ZNF69: variants seen among roughly 807,000 people sequenced by gnomAD.
ZNF69 encodes the protein zinc finger protein 69.
A neutral mutation model predicts 50.9 loss-of-function variants in ZNF69; 47 were observed. That is an observed-to-expected ratio of 0.92 (90% CI 0.73 to 1.18). ZNF69 has a LOEUF of 1.18. Ranked by LOEUF, ZNF69 falls within the 50% of genes most tolerant of loss-of-function variation. The pLI is 0.00. For synonymous variants in ZNF69, 216 were observed against 223.1 expected (o/e 0.97, Z 0.29); for missense variants, 717 against 675.1 (o/e 1.06, Z -0.69).
chr19:11,978,611 A>G, the ZNF69 span: 6 of 1,614,162 alleles, frequency 3.7e-6, no homozygotes, highest in Non-Finnish European at 3.4e-6. Flanking sequence ...AACCGTATGA[A>G]TGTAAACAAT....
At chr19:11,909,392 T>C (rs894884529), downstream of ZNF69, among the ~76,000 whole-genome samples, 12 of 152,194 alleles carry the variant, frequency 7.9e-5, no homozygotes, top group Admixed American at 3.3e-4. Context: ...CCAATATACC[T>C]GATGAACATC....
At chr19:11,936,138 T>C in the ZNF69 span, among the ~76,000 whole-genome samples, 1 of 152,190 alleles carries the variant, frequency 6.6e-6, no homozygotes, top group African/African-American at 2.4e-5. Context: ...TCCAAGTCTT[T>C]GCTATTGTGA....
the ZNF69 span, among the ~76,000 whole-genome samples, chr19:11,973,956 G>T: frequency 2.0e-5 from 3 of 152,104 alleles, no homozygotes; most frequent in Non-Finnish European, 4.4e-5. Flanking sequence ...CCATAGTGAA[G>T]GAGAGTTCAC....
chr19:11,966,624 T>G, the ZNF69 span, among the ~76,000 whole-genome samples: 1 of 152,150 alleles, frequency 6.6e-6, no homozygotes, highest in African/African-American at 2.4e-5. Flanking sequence ...TCCACCTGCC[T>G]CGGCCTCCCA....
the ZNF69 span, among the ~76,000 whole-genome samples, chr19:11,938,839 C>G: frequency 1.2e-4 from 18 of 152,262 alleles, no homozygotes; most frequent in African/African-American, 3.9e-4. Flanking sequence ...TACAGTCCCA[C>G]CAACAGTGTA....
chr19:11,959,635 C>T, the ZNF69 span, among the ~76,000 whole-genome samples: 2 of 152,168 alleles, frequency 1.3e-5, no homozygotes, highest in Admixed American at 6.5e-5. Context: ...AATTGATTCT[C>T]TTATTTCGCT....
At chr19:11,935,694 T>C in the ZNF69 span, among the ~76,000 whole-genome samples, 5 of 152,154 alleles carry the variant, frequency 3.3e-5, no homozygotes, top group African/African-American at 1.2e-4. Flanking sequence ...AAACAGACAG[T>C]TTTACTTTGT....
chr19:11,924,070 T>C, the ZNF69 span, among the ~76,000 whole-genome samples: 1 of 152,202 alleles, frequency 6.6e-6, no homozygotes, highest in South Asian at 2.1e-4. Context: ...CCTCTGGAGC[T>C]GTCTTCTGGG....
chr19:11,972,084 A>G, the ZNF69 span, among the ~76,000 whole-genome samples: 1 of 151,990 alleles, frequency 6.6e-6, no homozygotes, highest in Non-Finnish European at 1.5e-5. Context: ...AAAGAAAAGA[A>G]AAGAAATTAG....
At chr19:11,918,109 G>A (rs1354071043), downstream of ZNF69, among the ~76,000 whole-genome samples, 1 of 151,942 alleles carries the variant, frequency 6.6e-6, no homozygotes, top group Non-Finnish European at 1.5e-5. Flanking sequence ...TATTGACAAT[G>A]CTTTTCTTGT....
At position 11,905,704 on chromosome 19, in the gene ZNF69, G is replaced by A. The variant is rs747491968; in HGVS notation, c.1307G>A (p.Arg436Lys). 1 of 1,613,926 alleles carries A rather than the reference G, an allele frequency of 6.2e-7. No individual in the cohort carries two copies. Among genetic ancestry groups the A allele is most frequent in the South Asian group, 1.1e-5 (1 of 91,072 alleles). The change falls in exon 4 of 4, where the codon AGG becomes AAG. Residue 436 changes from arginine to lysine, a missense_variant. Physicochemically the swap from Arg to Lys is conservative, Grantham distance 26 (BLOSUM62 2). Coordinates refer to ENST00000429654, the MANE Select transcript of ZNF69 (RefSeq NM_001364730.1). The stretch of plus-strand genomic sequence containing the variant: ...TCCTCACACCTTCAATTGCATGGTA[G>A]GACTCACACTGGAGAGAAGCCCTAT... ...RSSSHLQLHG[R>K]THTGEKPYEC...
At chr19:11,974,717 C>T in the ZNF69 span, among the ~76,000 whole-genome samples, 1 of 152,192 alleles carries the variant, frequency 6.6e-6, no homozygotes, top group East Asian at 1.9e-4. Flanking sequence ...ATTCTCCCAC[C>T]TCAGCCTCCC....
the ZNF69 span, among the ~76,000 whole-genome samples, chr19:11,928,601 G>A: frequency 1.3e-5 from 2 of 148,502 alleles, no homozygotes; most frequent in African/African-American, 5.1e-5. Flanking sequence ...GCGTAGTGGC[G>A]GGCGCCTGTA....
In ZNF69 at chr19:11,889,579, C is replaced by G. The variant is rs139367696; in HGVS notation, c.63+1593C>G. Among the ~76,000 whole-genome samples, 1,091 of 152,312 alleles carry G rather than the reference C, an allele frequency of 7.2e-3. 17 individuals are homozygous for G. The highest frequency in any genetic ancestry group is 0.025 in the African/African-American group (1,035 of 41,562). On this transcript the variant is annotated intron_variant, in intron 1 of 3. Transcript: ENST00000429654. ...CTTCCGGATTCAAGCAATTCTCTAG[C>G]CTCAGCCTCCTGAGTAGCTGGGATT... is the stretch of plus-strand genomic sequence containing the variant.
chr19:11,893,659 CG>C (rs1038041647), intron 1 of ZNF69, among the ~76,000 whole-genome samples: 4 of 152,054 alleles, frequency 2.6e-5, no homozygotes, highest in African/African-American at 7.2e-5. Context: ...TAGAACTGCC[CG>C]GGGCTGACTC....
At chr19:11,934,921 C>T in the ZNF69 span, among the ~76,000 whole-genome samples, 1 of 147,476 alleles carries the variant, frequency 6.8e-6, no homozygotes, top group Admixed American at 6.6e-5. Context: ...TGGCTCACGC[C>T]TGTAATCCCA....
At chr19:11,917,385 G>A (rs1972531477), downstream of ZNF69, among the ~76,000 whole-genome samples, 1 of 152,164 alleles carries the variant, frequency 6.6e-6, no homozygotes, top group Non-Finnish European at 1.5e-5. Context: ...GGGTGTGTGT[G>A]GAATTCCCAG....
chr19:11,955,246 G>T, the ZNF69 span, among the ~76,000 whole-genome samples: 5 of 151,628 alleles, frequency 3.3e-5, no homozygotes, highest in Admixed American at 2.0e-4. Context: ...CTTGTGATCC[G>T]CCCACCTCGG....
intron 1 of ZNF69, among the ~76,000 whole-genome samples, chr19:11,892,343 GT>G (rs1458406517): frequency 6.6e-6 from 1 of 151,868 alleles, no homozygotes; most frequent in Non-Finnish European, 1.5e-5. Context: ...CTTTCTAGCT[GT>G]TTTTTATTTC....
Sources: allele counts gnomAD v4.1 joint callset (sites outside exome capture counted in the v4.1 genomes callset), GRCh38; gene constraint gnomAD v4.1.1; transcripts MANE v1.5; gene names NCBI Gene and HGNC (gene_info 2026-07-23, HGNC 2026-07-21).